Variants in ARL6IP6 observed in about 807,000 individuals in gnomAD.
The protein encoded by ARL6IP6 is ARF like GTPase 6 interacting protein 6, also known as ADP-ribosylation factor-like protein 6-interacting protein 6.
Under a neutral mutation model 21.5 loss-of-function variants are expected in ARL6IP6, and 22 were observed. That is an observed-to-expected ratio of 1.02 (90% CI 0.73 to 1.46). The LOEUF (loss-of-function observed/expected upper bound fraction) is 1.46, where lower values mean the gene tolerates loss of function less well. ARL6IP6 is among the 40% of genes most tolerant of loss of function. The pLI, the probability that ARL6IP6 is intolerant of heterozygous loss-of-function variation, is 0.00. For missense variants in ARL6IP6, 388 were observed against 299.8 expected, an observed-to-expected ratio of 1.29 and a Z score of -2.17; for synonymous variants, 164 against 125.3, an observed-to-expected ratio of 1.31 and a Z score of -2.06.
At chr2:152,726,448 A>G (rs1376926488) in intron 2 of ARL6IP6, among the ~76,000 whole-genome samples, 2 of 152,324 alleles carry the variant, frequency 1.3e-5, no homozygotes, top group Non-Finnish European at 2.9e-5. Flanking sequence ...TGACGTGTAA[A>G]GAGACACTTT....
intron 3 of ARL6IP6, among the ~76,000 whole-genome samples, chr2:152,757,346 T>A (rs959221004): frequency 1.9e-4 from 29 of 152,204 alleles, no homozygotes; most frequent in African/African-American, 6.8e-4. Flanking sequence ...TTGAACTGTA[T>A]ATAAATGTTA....
At chr2:152,725,920 G>A (rs34199006) in intron 2 of ARL6IP6, among the ~76,000 whole-genome samples, 21,946 of 152,068 alleles carry the variant, frequency 0.14, 1,736 homozygotes, top group Middle Eastern at 0.24. Context: ...TTCTTCAAGT[G>A]TCATGAAAAT....
chr2:152,757,481 GATA>G (rs1701643924), intron 3 of ARL6IP6, among the ~76,000 whole-genome samples: 1 of 152,116 alleles, frequency 6.6e-6, no homozygotes, highest in African/African-American at 2.4e-5. Context: ...ATTAATTGAA[GATA>G]ATATTTTCAT....
intron 2 of ARL6IP6, among the ~76,000 whole-genome samples, chr2:152,733,161 T>G (rs919646987): frequency 6.6e-6 from 1 of 152,236 alleles, no homozygotes; most frequent in Non-Finnish European, 1.5e-5. Context: ...TGGATCTAAC[T>G]TCTTTTCCTT....
rs913734650 is a variant in ARL6IP6, at chr2:152,761,792, A to G, written c.*1952A>G. ...ATATAGCCTAGGTGTGTAGTAGGCT[A>G]TACCATCTAGGTTTGTGTAAGTATA... On this transcript the variant is annotated 3_prime_UTR_variant, in exon 4 of 4. Transcript: ENST00000326446. Among the ~76,000 whole-genome samples the G allele has an allele frequency of 4.6e-5, 7 of 152,182 alleles. No homozygotes were observed. Among genetic ancestry groups the G allele is most frequent in the African/African-American group, 1.4e-4 (6 of 41,438 alleles).
In ARL6IP6 at chr2:152,762,119, C is replaced by G. The variant is rs1231513883; in HGVS notation, c.*2279C>G. The stretch of plus-strand genomic sequence containing the variant: ...ACTCTGGCTGAGCTAATCCTAATCT[C>G]ATTTTGCCTGGCTACAATGAGTAGA... On this transcript the variant is annotated 3_prime_UTR_variant, in exon 4 of 4. Coordinates refer to ENST00000326446, the MANE Select transcript of ARL6IP6 (RefSeq NM_152522.7). Among the ~76,000 whole-genome samples, 1 of 149,994 alleles carries G rather than the reference C, an allele frequency of 6.7e-6. No homozygotes were observed. The highest frequency in any genetic ancestry group is 6.9e-5 in the Admixed American group (1 of 14,580).
chr2:152,729,014 C>T (rs1387664305), intron 2 of ARL6IP6, among the ~76,000 whole-genome samples: 5 of 148,426 alleles, frequency 3.4e-5, no homozygotes, highest in Admixed American at 1.3e-4. Context: ...GCCGAGATTG[C>T]GCCACTGCAC....
At chr2:152,754,503 A>G (rs1005111543) in intron 3 of ARL6IP6, among the ~76,000 whole-genome samples, 3 of 152,112 alleles carry the variant, frequency 2.0e-5, no homozygotes, top group African/African-American at 7.2e-5. Context: ...CTTTTTTACT[A>G]TTAGGAATAA....
chr2:152,733,200 T>G (rs566920781), intron 2 of ARL6IP6, among the ~76,000 whole-genome samples: 1 of 152,290 alleles, frequency 6.6e-6, no homozygotes, highest in African/African-American at 2.4e-5. Context: ...ATTGAATTAG[T>G]AACATTTTTT....
chr2:152,732,831 G>A (rs1187981922), intron 2 of ARL6IP6, among the ~76,000 whole-genome samples: 1 of 151,586 alleles, frequency 6.6e-6, no homozygotes, highest in African/African-American at 2.4e-5. Context: ...TAAATGTTAT[G>A]TAAATAGTTG....
At chr2:152,719,333 ACACC>A in intron 1 of ARL6IP6, among the ~76,000 whole-genome samples, 1 of 152,324 alleles carries the variant, frequency 6.6e-6, no homozygotes, top group South Asian at 2.1e-4. Context: ...AAAATGCGAA[ACACC>A]CACCATTAAA....
upstream of ARL6IP6, chr2:152,718,487 C>A: frequency 1.6e-6 from 2 of 1,264,954 alleles, no homozygotes; most frequent in Non-Finnish European, 2.1e-6. Flanking sequence ...ACCCGCCGCC[C>A]ACCCTTGCTC....
intron 2 of ARL6IP6, among the ~76,000 whole-genome samples, chr2:152,722,889 CAG>C (rs1699859254): frequency 6.6e-6 from 1 of 152,162 alleles, no homozygotes; most frequent in Non-Finnish European, 1.5e-5. Context: ...TCCTCAGCAA[CAG>C]AGCAAGACTC....
At chr2:152,725,030 A>G (rs1699974807) in intron 2 of ARL6IP6, among the ~76,000 whole-genome samples, 1 of 152,202 alleles carries the variant, frequency 6.6e-6, no homozygotes, top group Non-Finnish European at 1.5e-5. Context: ...CTGTACAATC[A>G]GGGCTCATTG....
intron 2 of ARL6IP6, chr2:152,732,697 G>T (rs1258975251): frequency 7.0e-6 from 2 of 284,028 alleles, no homozygotes; most frequent in Non-Finnish European, 6.9e-6. Context: ...ATGAGGAATT[G>T]GTTCCAGGAC....
rs192459633 is a variant in ARL6IP6, at chr2:152,726,080, T to C, written c.454+5494T>C. On this transcript the variant is annotated intron_variant, in intron 2 of 3. Transcript: ENST00000326446. ...ATTGTTTAAAGCTGGATGATGGGTA[T>C]ATGAGTTTTATATACTTCTCTCAAC... 1.5e-3 allele frequency among the ~76,000 whole-genome samples: 223 copies of C among 152,302 alleles called. 4 individuals are homozygous for C. The highest frequency in any genetic ancestry group is 6.8e-3 in the Middle Eastern group (2 of 294).
intron 3 of ARL6IP6, among the ~76,000 whole-genome samples, chr2:152,739,786 TTTAA>T (rs1232662475): frequency 6.6e-6 from 1 of 152,124 alleles, no homozygotes; most frequent in Non-Finnish European, 1.5e-5. Flanking sequence ...AGGAAAGAGG[TTTAA>T]TTGACTCACA....
rs1049867703 is a variant in ARL6IP6, at chr2:152,723,785, G to T, written c.454+3199G>T. ...TTGGCCATCATGATTTCGTGATACA[G>T]AACATTAGAAGTGTTAAAAAAAGTC... On this transcript the variant is annotated intron_variant, in intron 2 of 3. Coordinates refer to ENST00000326446, the MANE Select transcript of ARL6IP6 (RefSeq NM_152522.7). Among the ~76,000 whole-genome samples the T allele has an allele frequency of 8.3e-5, 10 of 119,948 alleles. No homozygotes were observed. In the East Asian group the frequency reaches 2.3e-3, roughly 28 times the overall value. The allele number at this position is 119,948 out of a possible 152,430, so 78.7% of individuals were successfully genotyped here.
chr2:152,736,084 A>T (rs1168601570), intron 3 of ARL6IP6, among the ~76,000 whole-genome samples: 2 of 152,100 alleles, frequency 1.3e-5, no homozygotes, highest in Non-Finnish European at 2.9e-5. Context: ...TAGTGTTTTA[A>T]TCCCTATGTG....
Sources: allele counts gnomAD v4.1 joint callset (sites outside exome capture counted in the v4.1 genomes callset), GRCh38; gene constraint gnomAD v4.1.1; transcripts MANE v1.5; gene names NCBI Gene and HGNC (gene_info 2026-07-23, HGNC 2026-07-21).